Variants in PALLD observed in about 807,000 individuals in gnomAD.
PALLD encodes the protein palladin.
PALLD carries 61 observed loss-of-function variants against 123.5 expected under a neutral mutation model. That is an observed-to-expected ratio of 0.49 (90% CI 0.40 to 0.61). PALLD has a LOEUF of 0.61. Ranked by LOEUF, PALLD falls within the 20% of genes least tolerant of loss-of-function variation. The pLI, the probability that PALLD is intolerant of heterozygous loss-of-function variation, is 0.00. For synonymous variants in PALLD, 465 were observed against 496.4 expected (o/e 0.94, Z 0.84); for missense variants, 1,273 against 1,377.0 (o/e 0.92, Z 1.20).
chr4:168,654,272 G>T (rs981478676), intron 2 of PALLD, among the ~76,000 whole-genome samples: 15 of 151,458 alleles, frequency 9.9e-5, no homozygotes, highest in African/African-American at 3.6e-4. Flanking sequence ...TGTTTTTTTT[G>T]GGGAGGAGGG....
chr4:168,548,284 G>A (rs1329887305), intron 2 of PALLD, among the ~76,000 whole-genome samples: 2 of 151,534 alleles, frequency 1.3e-5, no homozygotes, highest in African/African-American at 4.9e-5. Flanking sequence ...AAATGGAAGA[G>A]GCTCTTCCTT....
intron 2 of PALLD, among the ~76,000 whole-genome samples, chr4:168,568,081 C>A (rs1279824545): frequency 6.6e-6 from 1 of 151,872 alleles, no homozygotes; most frequent in Non-Finnish European, 1.5e-5. Context: ...AAATTTCTTA[C>A]TATTCTAGGC....
At chr4:168,675,466 C>T (rs746442810) in intron 3 of PALLD, among the ~76,000 whole-genome samples, 6 of 152,190 alleles carry the variant, frequency 3.9e-5, no homozygotes, top group Non-Finnish European at 5.9e-5. Flanking sequence ...GGACCACTGC[C>T]GTGCCTCTCT....
chr4:168,838,908 T>C (rs548398440), intron 10 of PALLD, among the ~76,000 whole-genome samples: 2 of 152,154 alleles, frequency 1.3e-5, no homozygotes, highest in South Asian at 2.1e-4. Flanking sequence ...AATTATTTCA[T>C]TGAGTTAATC....
intron 2 of PALLD, among the ~76,000 whole-genome samples, chr4:168,541,618 T>G (rs1002081783): frequency 1.3e-5 from 2 of 150,722 alleles, no homozygotes; most frequent in Non-Finnish European, 3.0e-5. Context: ...ACCTGGCTAA[T>G]TTTTTTGTAT....
chr4:168,786,408 C>T (rs116502180), intron 10 of PALLD, among the ~76,000 whole-genome samples: 309 of 151,992 alleles, frequency 2.0e-3, no homozygotes, highest in African/African-American at 6.3e-3. Flanking sequence ...GTATGGTAGC[C>T]CATACCTGTA....
intron 2 of PALLD, among the ~76,000 whole-genome samples, chr4:168,569,091 A>G (rs1768708847): frequency 6.6e-6 from 1 of 152,180 alleles, no homozygotes; most frequent in South Asian, 2.1e-4. Flanking sequence ...TAGCAGCTCT[A>G]CAGATGTTTA....
At chr4:168,754,980 C>A (rs893523375) in intron 10 of PALLD, among the ~76,000 whole-genome samples, 3 of 152,168 alleles carry the variant, frequency 2.0e-5, no homozygotes, top group Non-Finnish European at 2.9e-5. Context: ...CGTCTGTAAT[C>A]CCAGCACTTC....
At chr4:168,778,771 A>C (rs937994098) in intron 10 of PALLD, among the ~76,000 whole-genome samples, 1 of 152,212 alleles carries the variant, frequency 6.6e-6, no homozygotes, top group East Asian at 1.9e-4. Context: ...AAGGTCACAC[A>C]ACTAGTAAAG....
At chr4:168,604,358 T>C (rs1224454366) in intron 2 of PALLD, among the ~76,000 whole-genome samples, 1 of 152,168 alleles carries the variant, frequency 6.6e-6, no homozygotes, top group African/African-American at 2.4e-5. Flanking sequence ...CCAAAGGAAA[T>C]GTCTCAATTT....
chr4:168,884,991 T>C (rs1040569909), intron 10 of PALLD, among the ~76,000 whole-genome samples: 5 of 152,220 alleles, frequency 3.3e-5, no homozygotes, highest in African/African-American at 9.6e-5. Context: ...CATATGGTCA[T>C]TAGGTCACTA....
chr4:168,809,021 A>T (rs1227053672), intron 10 of PALLD, among the ~76,000 whole-genome samples: 8 of 152,206 alleles, frequency 5.3e-5, no homozygotes, highest in Non-Finnish European at 4.4e-5. Context: ...CCTCTTATTT[A>T]TTTAAACACA....
At chr4:168,899,698 C>T (rs1347334820) in intron 14 of PALLD, among the ~76,000 whole-genome samples, 5 of 152,086 alleles carry the variant, frequency 3.3e-5, no homozygotes, top group Non-Finnish European at 5.9e-5. Flanking sequence ...GGGTGGATCA[C>T]CTGAGCTCAG....
intron 2 of PALLD, among the ~76,000 whole-genome samples, chr4:168,570,605 T>TA (rs1306141770): frequency 6.6e-6 from 1 of 152,176 alleles, no homozygotes; most frequent in Non-Finnish European, 1.5e-5. Context: ...GGAATAAAAT[T>TA]AAAATGTGTT....
chr4:168,574,638 G>C (rs762052291), intron 2 of PALLD, among the ~76,000 whole-genome samples: 16 of 152,040 alleles, frequency 1.1e-4, no homozygotes, highest in Non-Finnish European at 1.6e-4. Flanking sequence ...TCAATAACAA[G>C]TTTGGGGAAT....
chr4:168,651,577 CT>C lies in PALLD; in HGVS notation c.909-16604del, dbSNP rs1022725699. On this transcript the variant is annotated intron_variant, in intron 2 of 21. Coordinates refer to ENST00000505667, the MANE Select transcript of PALLD (RefSeq NM_001166108.2). Reference sequence around the variant, plus strand: ...AAACAGAATCTCTGAAGATGGAACTCTTTTTTTTTCCCCCCCGCAAGGTTAG... The same window carrying C: ...AAACAGAATCTCTGAAGATGGAACTCTTTTTTTTCCCCCCCGCAAGGTTAG... 1.5e-3 allele frequency among the ~76,000 whole-genome samples: 220 copies of C among 151,562 alleles called. 1 individual carries two copies. Among genetic ancestry groups the C allele is most frequent in the African/African-American group, 4.7e-3 (196 of 41,314 alleles).
chr4:168,720,586 A>C (rs1049890478), intron 10 of PALLD, among the ~76,000 whole-genome samples: 5 of 152,202 alleles, frequency 3.3e-5, no homozygotes, highest in Non-Finnish European at 5.9e-5. Flanking sequence ...ACGGGTCCTA[A>C]TTCTGCAGTA....
intron 2 of PALLD, among the ~76,000 whole-genome samples, chr4:168,622,051 C>T (rs774844888): frequency 6.6e-6 from 1 of 152,168 alleles, no homozygotes; most frequent in African/African-American, 2.4e-5. Flanking sequence ...TTCTTCCAGT[C>T]ACTCCTCGCA....
At chr4:168,703,128 A>G (rs186228909) in intron 8 of PALLD, among the ~76,000 whole-genome samples, 18,756 of 133,798 alleles carry the variant, frequency 0.14, 1,487 homozygotes, top group African/African-American at 0.25. Flanking sequence ...CTCATTGTTC[A>G]GTTCCCACCT....
Sources: gnomAD v4.1 joint callset for allele counts (sites outside exome capture counted in the v4.1 genomes callset) on GRCh38, gnomAD v4.1.1 for gene constraint, MANE v1.5 for transcripts, NCBI Gene and HGNC (gene_info 2026-07-23, HGNC 2026-07-21) for gene names.